Variants in SLC25A26 observed in about 807,000 individuals in gnomAD.
The protein encoded by SLC25A26 is solute carrier family 25 member 26.
In SLC25A26, 36 loss-of-function variants were observed where a neutral mutation model predicts 37.8. That is an observed-to-expected ratio of 0.95 (90% CI 0.73 to 1.26). The LOEUF is 1.26. SLC25A26 is among the 50% of genes most tolerant of loss of function. SLC25A26 has a pLI of 0.00. For synonymous variants in SLC25A26, 129 were observed against 122.5 expected (o/e 1.05, Z -0.35); for missense variants, 390 against 331.1 (o/e 1.18, Z -1.38).
chr3:66,236,552 G>A lies in SLC25A26; in HGVS notation c.42G>A (p.Gly14=), dbSNP rs782542054. The part of the protein sequence containing the change: ...PGFVAALVAG[G]VAGVSVDLIL... ...CTCTTTTTTTTTCAAAGGCTGGTGG[G>A]GTAGCAGGTGTTTCTGTTGACTTGA... The change falls in exon 2 of 10, where the codon GGG becomes GGA. Residue 14 remains glycine (G), a synonymous_variant. Coordinates refer to ENST00000354883, the MANE Select transcript of SLC25A26 (RefSeq NM_001379210.1). 2.8e-5 allele frequency: 41 copies of A among 1,460,088 alleles called. No homozygotes were observed. In the Admixed American group the frequency reaches 2.8e-4, roughly 10 times the overall value. The allele number at this position is 1,460,088 out of a possible 1,614,324, so 90.4% of individuals were successfully genotyped here. A position where few individuals can be genotyped will look rare whatever the true frequency, so the allele number is the denominator to read the frequency against.
At chr3:66,327,437 A>C (rs1030295252) in intron 5 of SLC25A26, among the ~76,000 whole-genome samples, 2 of 152,194 alleles carry the variant, frequency 1.3e-5, no homozygotes, top group Non-Finnish European at 2.9e-5. Context: ...AAAAATGTTT[A>C]AGATCGCTTC....
At chr3:66,264,419 G>C (rs1031215628) in intron 5 of SLC25A26, among the ~76,000 whole-genome samples, 41 of 152,322 alleles carry the variant, frequency 2.7e-4, no homozygotes, top group African/African-American at 9.6e-4. Flanking sequence ...ACTGGTCCGT[G>C]GCCTGGTACT....
At chr3:66,323,671 G>T (rs926772168) in intron 5 of SLC25A26, among the ~76,000 whole-genome samples, 7 of 152,040 alleles carry the variant, frequency 4.6e-5, no homozygotes, top group African/African-American at 1.4e-4. Context: ...AAAATTAGCC[G>T]GGCCTAGTGG....
At chr3:66,304,645 C>G (rs987630387) in intron 5 of SLC25A26, 1 of 305,834 alleles carries the variant, frequency 3.3e-6, no homozygotes, top group East Asian at 8.6e-5. Flanking sequence ...ATTGAGGATT[C>G]GTTGTTCACT....
intron 2 of SLC25A26, among the ~76,000 whole-genome samples, chr3:66,240,999 G>A (rs987883779): frequency 2.6e-5 from 4 of 151,532 alleles, no homozygotes; most frequent in Non-Finnish European, 4.4e-5. Flanking sequence ...CACCTGCCTC[G>A]TCCTCCCAAA....
rs1316867548 is a variant in SLC25A26, at chr3:66,236,560, G to T, written c.50G>T (p.Gly17Val). ...VAALVAGGVA[G>V]VSVDLILFPL... ...TTTTCAAAGGCTGGTGGGGTAGCAG[G>T]TGTTTCTGTTGACTTGATATTATTT... The change falls in exon 2 of 10, where the codon GGT becomes GTT. Residue 17 changes from glycine to valine, a missense_variant. Coordinates refer to ENST00000354883, the MANE Select transcript of SLC25A26 (RefSeq NM_001379210.1). The T allele has an allele frequency of 5.5e-5, 80 of 1,465,876 alleles. No individual in the cohort carries two copies. The highest frequency in any genetic ancestry group is 6.7e-5 in the Non-Finnish European group (74 of 1,098,968). The allele number at this position is 1,465,876 out of a possible 1,614,324, so 90.8% of individuals were successfully genotyped here. A position where few individuals can be genotyped will look rare whatever the true frequency, so the allele number is the denominator to read the frequency against.
chr3:66,200,791 A>G (rs1460249521), intron 1 of SLC25A26, among the ~76,000 whole-genome samples: 1 of 152,226 alleles, frequency 6.6e-6, no homozygotes, highest in East Asian at 1.9e-4. Flanking sequence ...GAAATTACTT[A>G]CAGAGGTGGT....
chr3:66,146,482 A>C (rs1007844866), intron 1 of SLC25A26, among the ~76,000 whole-genome samples: 2 of 138,556 alleles, frequency 1.4e-5, no homozygotes, highest in African/African-American at 5.5e-5. Context: ...TCTAGGTGGT[A>C]AGATTCTGCT....
At chr3:66,160,297 G>T (rs2070339534) in intron 1 of SLC25A26, among the ~76,000 whole-genome samples, 1 of 152,104 alleles carries the variant, frequency 6.6e-6, no homozygotes, top group Admixed American at 6.5e-5. Flanking sequence ...GCCTAATAAT[G>T]AATCTTGTCA....
At chr3:66,251,545 A>C (rs1430167490) in intron 3 of SLC25A26, among the ~76,000 whole-genome samples, 1 of 152,184 alleles carries the variant, frequency 6.6e-6, no homozygotes, top group East Asian at 1.9e-4. Flanking sequence ...CAGCCATCTG[A>C]GTCTGAGCTA....
chr3:66,339,762 C>A (rs1193851858), intron 5 of SLC25A26, among the ~76,000 whole-genome samples: 1 of 151,886 alleles, frequency 6.6e-6, no homozygotes, highest in African/African-American at 2.4e-5. Flanking sequence ...GATATTAACC[C>A]CTTATCAGAT....
At chr3:66,296,893 C>T (rs551142170) in intron 5 of SLC25A26, among the ~76,000 whole-genome samples, 1 of 152,356 alleles carries the variant, frequency 6.6e-6, no homozygotes, top group East Asian at 1.9e-4. Context: ...CTGTTTTCCA[C>T]ACTCCCTGAA....
intron 5 of SLC25A26, among the ~76,000 whole-genome samples, chr3:66,316,960 T>C (rs566299940): frequency 6.6e-6 from 1 of 152,210 alleles, no homozygotes; most frequent in Non-Finnish European, 1.5e-5. Context: ...ATCAGGTCAT[T>C]TATGTTCATC....
At chr3:66,146,973 G>A (rs903044363) in intron 1 of SLC25A26, among the ~76,000 whole-genome samples, 2 of 151,716 alleles carry the variant, frequency 1.3e-5, no homozygotes, top group African/African-American at 2.4e-5. Flanking sequence ...ATGGCTTCCA[G>A]CTCCATCCAA....
intron 5 of SLC25A26, among the ~76,000 whole-genome samples, chr3:66,332,178 T>G (rs2075991489): frequency 6.6e-6 from 1 of 152,072 alleles, no homozygotes; most frequent in South Asian, 2.1e-4. Context: ...CCTCAGGTGA[T>G]CCACCTACCT....
chr3:66,228,549 C>T (rs781799430), intron 1 of SLC25A26, among the ~76,000 whole-genome samples: 1 of 152,168 alleles, frequency 6.6e-6, no homozygotes, highest in Non-Finnish European at 1.5e-5. Context: ...CATGCTTAAC[C>T]AGATACATTT....
At position 66,222,738 on chromosome 3, in the gene SLC25A26, A is replaced by C. The variant is rs143934337; in HGVS notation, c.33+1611A>C. Among the ~76,000 whole-genome samples the C allele has an allele frequency of 2.8e-3, 425 of 152,326 alleles. 4 individuals are homozygous for C. In the East Asian group the frequency reaches 0.049, roughly 17 times the overall value. On this transcript the variant is annotated intron_variant, in intron 1 of 9. Coordinates refer to ENST00000354883, the MANE Select transcript of SLC25A26 (RefSeq NM_001379210.1). Reference sequence around the variant, plus strand: ...AGTATTGGAGCTCATATTCCAACCCAGGTGATGTCACCTGGGAGTCGTGCC... The same window carrying C: ...AGTATTGGAGCTCATATTCCAACCCCGGTGATGTCACCTGGGAGTCGTGCC...
chr3:66,240,747 C>CTT (rs782761312), intron 2 of SLC25A26, among the ~76,000 whole-genome samples: 10,894 of 129,046 alleles, frequency 0.084, 735 homozygotes, highest in African/African-American at 0.17. Context: ...CTTTTCTTTT[C>CTT]TTTTTTTTTT....
In SLC25A26 at chr3:66,317,393, C is replaced by T. The variant is rs114059852; in HGVS notation, c.454-28971C>T. Among the ~76,000 whole-genome samples, 813 of 152,190 alleles carry T rather than the reference C, an allele frequency of 5.3e-3. 9 individuals are homozygous for T. The highest frequency in any genetic ancestry group is 0.019 in the African/African-American group (785 of 41,524). The stretch of plus-strand genomic sequence containing the variant: ...GGACTACTGCAGTGTGCTGGGGGTC[C>T]ATTCTAGACCCTATTCTCCGGGGCC... On this transcript the variant is annotated intron_variant, in intron 5 of 9. Transcript: ENST00000354883.
Sources: allele counts gnomAD v4.1 joint callset (sites outside exome capture counted in the v4.1 genomes callset), GRCh38; gene constraint gnomAD v4.1.1; transcripts MANE v1.5; gene names NCBI Gene and HGNC (gene_info 2026-07-23, HGNC 2026-07-21).